The following ST6GALNAC3 variants were observed in gnomAD, a reference collection of about 807,000 sequenced individuals.
ST6GALNAC3 encodes alpha-N-acetylgalactosaminide alpha-2,6-sialyltransferase 3.
Under a neutral mutation model 32.7 loss-of-function variants are expected in ST6GALNAC3, and 25 were observed. The ratio of observed to expected loss-of-function variants is 0.76; its 90% CI spans 0.56 to 1.07. The LOEUF (loss-of-function observed/expected upper bound fraction) is 1.07. Among genes scored for constraint, ST6GALNAC3 ranks in the 50% least tolerant of loss-of-function variants. ST6GALNAC3 has a pLI of 0.00. For missense variants in ST6GALNAC3, 355 were observed against 382.4 expected, an observed-to-expected ratio of 0.93 and a Z score of 0.60; for synonymous variants, 129 against 133.1, an observed-to-expected ratio of 0.97 and a Z score of 0.21.
chr1:76,627,493 T>G lies in ST6GALNAC3; in HGVS notation c.665T>G (p.Phe222Cys). ...TATCTCAGCACAGGGTGGTTTACCTTCCTTCTGGCCATGGACGCCTGTTAT... is the reference window on the plus strand; with the variant it reads ...TATCTCAGCACAGGGTGGTTTACCTGCCTTCTGGCCATGGACGCCTGTTAT... ...GSYLSTGWFT[F>C]LLAMDACYGI... Residue 222 changes from phenylalanine to cysteine, a missense_variant, in exon 4 of 5, where the codon TTC (phenylalanine) becomes TGC (cysteine). By Grantham distance (205) the Phe-to-Cys change is radical (BLOSUM62 -2). Transcript: ENST00000328299. 1 of 1,612,814 alleles carries G rather than the reference T, an allele frequency of 6.2e-7. No individual in the cohort carries two copies. The highest frequency in any genetic ancestry group is 8.5e-7 in the Non-Finnish European group (1 of 1,179,084).
At chr1:76,341,666 TTTCTTTC>T (rs1648027296) in intron 2 of ST6GALNAC3, among the ~76,000 whole-genome samples, 2 of 145,394 alleles carry the variant, frequency 1.4e-5, no homozygotes, top group African/African-American at 5.2e-5. Flanking sequence ...TCTTTCTTTC[TTTCTTTC>T]TTTCTTTCCT....
chr1:76,309,987 T>C (rs1646727336), intron 1 of ST6GALNAC3: 2 of 500,390 alleles, frequency 4.0e-6, no homozygotes, highest in Non-Finnish European at 4.0e-6. Flanking sequence ...TGCATACGTA[T>C]GTGTTGCTGC....
chr1:76,440,738 G>A (rs1327993835), intron 3 of ST6GALNAC3, among the ~76,000 whole-genome samples: 1 of 152,024 alleles, frequency 6.6e-6, no homozygotes, highest in Non-Finnish European at 1.5e-5. Flanking sequence ...GGCAATAATT[G>A]GGCAAAGAAG....
chr1:76,193,577 T>G (rs1288460593), intron 1 of ST6GALNAC3, among the ~76,000 whole-genome samples: 2 of 152,158 alleles, frequency 1.3e-5, no homozygotes, highest in Non-Finnish European at 2.9e-5. Flanking sequence ...TAGTAGATAC[T>G]ACATATATCT....
intron 3 of ST6GALNAC3, among the ~76,000 whole-genome samples, chr1:76,462,291 C>G (rs563495916): frequency 1.3e-5 from 2 of 152,210 alleles, no homozygotes; most frequent in South Asian, 2.1e-4. Flanking sequence ...GCTCTCTCCC[C>G]CAACTCTTAA....
chr1:76,210,322 T>G (rs1655079536), intron 1 of ST6GALNAC3, among the ~76,000 whole-genome samples: 1 of 152,202 alleles, frequency 6.6e-6, no homozygotes, highest in South Asian at 2.1e-4. Flanking sequence ...TTTTGGGTTT[T>G]CCTTCCCCAT....
At chr1:76,319,315 A>G (rs560990982) in intron 2 of ST6GALNAC3, among the ~76,000 whole-genome samples, 3 of 152,302 alleles carry the variant, frequency 2.0e-5, no homozygotes, top group South Asian at 2.1e-4. Flanking sequence ...CGACAATTTA[A>G]TGAGGCTGAA....
In ST6GALNAC3 at chr1:76,632,096, A is replaced by G. The variant is rs1439760389; in HGVS notation, c.*3290A>G. 6.6e-6 allele frequency: 1 copy of G among 152,110 alleles called. No individual in the cohort carries two copies. The highest frequency in any genetic ancestry group is 2.4e-5 in the African/African-American group (1 of 41,434). 9.4% of individuals were successfully genotyped at this position (152,110 alleles called of 1,614,324 possible). A position where few individuals can be genotyped will look rare whatever the true frequency, so the allele number is the denominator to read the frequency against. On this transcript the variant is annotated 3_prime_UTR_variant, in exon 5 of 5. Coordinates refer to ENST00000328299, the MANE Select transcript of ST6GALNAC3 (RefSeq NM_152996.4). ...TATATACATCTATATACTTATAACTATATATAAAAGCATATATATAATCCT... is the reference window on the plus strand; with the variant it reads ...TATATACATCTATATACTTATAACTGTATATAAAAGCATATATATAATCCT...
chr1:76,424,289 G>A (rs576246956), intron 3 of ST6GALNAC3, among the ~76,000 whole-genome samples: 1 of 151,998 alleles, frequency 6.6e-6, no homozygotes, highest in South Asian at 2.1e-4. Flanking sequence ...TGGGAGAGAA[G>A]ACCCTTCCAA....
At chr1:76,430,705 A>G (rs927211337) in intron 3 of ST6GALNAC3, among the ~76,000 whole-genome samples, 10 of 152,118 alleles carry the variant, frequency 6.6e-5, no homozygotes, top group African/African-American at 9.7e-5. Context: ...TTTTATGTAC[A>G]GTTCCAGCTG....
At chr1:76,353,779 C>T (rs1249306320) in intron 2 of ST6GALNAC3, 2 of 152,654 alleles carry the variant, frequency 1.3e-5, no homozygotes, top group Admixed American at 6.5e-5. Flanking sequence ...ATGAGCTGGC[C>T]TTGGCCTTCT....
rs1284133254 is a variant in ST6GALNAC3, at chr1:76,457,905, G to A, written c.623+45488G>A. On this transcript the variant is annotated intron_variant, in intron 3 of 4. Transcript: ENST00000328299. ...AAATGGGATCTAATTAAACTAAAGAGCTTCTGCACAGCAAAAAAAACTACC... is the reference window on the plus strand; with the variant it reads ...AAATGGGATCTAATTAAACTAAAGAACTTCTGCACAGCAAAAAAAACTACC... Among the ~76,000 whole-genome samples the A allele has an allele frequency of 1.3e-4, 20 of 150,592 alleles. No individual in the cohort carries two copies. The South Asian group carries it at 3.8e-3, about 29-fold the overall frequency.
chr1:76,117,388 G>C (rs1267598553), intron 1 of ST6GALNAC3, among the ~76,000 whole-genome samples: 4 of 152,194 alleles, frequency 2.6e-5, no homozygotes, highest in East Asian at 3.8e-4. Context: ...TTACGGACTT[G>C]AGTGTAAAAA....
At chr1:76,100,862 T>C (rs751249480) in intron 1 of ST6GALNAC3, among the ~76,000 whole-genome samples, 10 of 151,958 alleles carry the variant, frequency 6.6e-5, no homozygotes, top group Non-Finnish European at 1.5e-4. Flanking sequence ...TTAATGGACA[T>C]TTTTTTAATG....
At chr1:76,346,324 G>T (rs769274531) in intron 2 of ST6GALNAC3, among the ~76,000 whole-genome samples, 5 of 152,176 alleles carry the variant, frequency 3.3e-5, no homozygotes, top group Middle Eastern at 3.2e-3. Flanking sequence ...CAACAGAGCT[G>T]TGTCCATGTC....
At chr1:76,238,486 C>T (rs1021210722) in intron 1 of ST6GALNAC3, among the ~76,000 whole-genome samples, 1 of 152,118 alleles carries the variant, frequency 6.6e-6, no homozygotes, top group Non-Finnish European at 1.5e-5. Context: ...GGGTATTTTT[C>T]CCGCTATGCC....
chr1:76,095,989 C>A (rs1647124907), intron 1 of ST6GALNAC3, among the ~76,000 whole-genome samples: 1 of 152,146 alleles, frequency 6.6e-6, no homozygotes. Context: ...CTTTTCATTC[C>A]CTCACCTGTG....
chr1:76,257,315 A>AAGTGT (rs1443687318), intron 1 of ST6GALNAC3, among the ~76,000 whole-genome samples: 2 of 152,168 alleles, frequency 1.3e-5, no homozygotes, highest in Non-Finnish European at 2.9e-5. Flanking sequence ...TCACACCATG[A>AAGTGT]CACTGACGGG....
rs1653333144 is a variant in ST6GALNAC3 at position 76,183,642 on chromosome 1, G to A, written c.18+108758G>A. 2.6e-5 allele frequency among the ~76,000 whole-genome samples: 4 copies of A among 151,518 alleles called. No individual in the cohort carries two copies. The South Asian group carries it at 8.3e-4, about 32-fold the overall frequency. ...GTAGAGCCTACTACATCATACCTAG[G>A]CTATATGTTATAGCCTATGACCCCT... On this transcript the variant is annotated intron_variant, in intron 1 of 4. Coordinates refer to ENST00000328299, the MANE Select transcript of ST6GALNAC3 (RefSeq NM_152996.4).
Sources: allele counts gnomAD v4.1 joint callset (sites outside exome capture counted in the v4.1 genomes callset), GRCh38; gene constraint gnomAD v4.1.1; transcripts MANE v1.5; gene names NCBI Gene and HGNC (gene_info 2026-07-23, HGNC 2026-07-21).